The following ARB2A variants were observed in gnomAD, a reference collection of about 807,000 sequenced individuals.
ARB2A encodes cotranscriptional regulator ARB2A.
At chr5:93,657,767 G>A in the ARB2A span, among the ~76,000 whole-genome samples, 24,990 of 152,020 alleles carry the variant, frequency 0.16, 2,616 homozygotes, top group African/African-American at 0.28. Flanking sequence ...AAATTTCAGC[G>A]TGTTATATGA....
the ARB2A span, among the ~76,000 whole-genome samples, chr5:93,895,234 T>C: frequency 6.6e-6 from 1 of 152,182 alleles, no homozygotes; most frequent in African/African-American, 2.4e-5. Context: ...AGATAATTAT[T>C]TCAACCTTCA....
chr5:94,099,894 C>A, the ARB2A span, among the ~76,000 whole-genome samples: 38 of 152,072 alleles, frequency 2.5e-4, no homozygotes, highest in Admixed American at 3.3e-4. Flanking sequence ...CAAGGATGCC[C>A]TCTCTCACCA....
At chr5:93,848,373 C>T in the ARB2A span, among the ~76,000 whole-genome samples, 1 of 148,998 alleles carries the variant, frequency 6.7e-6, no homozygotes, top group Non-Finnish European at 1.5e-5. Context: ...CAGAGCGAGA[C>T]TCTGTCTAAA....
At chr5:93,757,036 G>A in the ARB2A span, among the ~76,000 whole-genome samples, 2 of 152,054 alleles carry the variant, frequency 1.3e-5, no homozygotes, top group African/African-American at 4.8e-5. Context: ...AAGGACAATC[G>A]AAAATTCAGG....
chr5:93,766,999 T>G, the ARB2A span, among the ~76,000 whole-genome samples: 5 of 122,166 alleles, frequency 4.1e-5, no homozygotes, highest in Admixed American at 5.8e-4. Context: ...TGAGAACACA[T>G]GGACACAGGA....
the ARB2A span, among the ~76,000 whole-genome samples, chr5:93,757,163 A>C: frequency 1.3e-5 from 2 of 152,128 alleles, no homozygotes; most frequent in Non-Finnish European, 1.5e-5. Context: ...AATTAACCCA[A>C]TCCAACAAAG....
chr5:93,783,134 A>G, the ARB2A span, among the ~76,000 whole-genome samples: 2 of 152,148 alleles, frequency 1.3e-5, no homozygotes, highest in Non-Finnish European at 2.9e-5. Flanking sequence ...CTCATGAGTA[A>G]GGAAGTTTTT....
At chr5:93,628,622 A>G in the ARB2A span, among the ~76,000 whole-genome samples, 17 of 152,336 alleles carry the variant, frequency 1.1e-4, no homozygotes, top group African/African-American at 4.1e-4. Context: ...ATAACTTGCT[A>G]TATCTTATAC....
chr5:93,981,497 T>C, the ARB2A span, among the ~76,000 whole-genome samples: 1 of 152,054 alleles, frequency 6.6e-6, no homozygotes, highest in South Asian at 2.1e-4. Context: ...TTGTTGGTTT[T>C]TAACTATTTT....
the ARB2A span, among the ~76,000 whole-genome samples, chr5:93,832,601 G>A: frequency 6.6e-6 from 1 of 152,134 alleles, no homozygotes; most frequent in Non-Finnish European, 1.5e-5. Context: ...ATTGCCCTTA[G>A]CCAAAAAGCA....
chr5:93,854,081 T>C, the ARB2A span, among the ~76,000 whole-genome samples: 1 of 152,206 alleles, frequency 6.6e-6, no homozygotes, highest in Non-Finnish European at 1.5e-5. Flanking sequence ...TGAATCCATC[T>C]GGTCCTGGAC....
chr5:93,788,208 G>A, the ARB2A span, among the ~76,000 whole-genome samples: 14 of 152,106 alleles, frequency 9.2e-5, no homozygotes, highest in African/African-American at 3.4e-4. Context: ...AAATTGAGGG[G>A]GGGAAATCCT....
the ARB2A span, among the ~76,000 whole-genome samples, chr5:93,935,325 T>G: frequency 6.6e-6 from 1 of 152,158 alleles, no homozygotes; most frequent in East Asian, 1.9e-4. Context: ...CAGGAAAAGC[T>G]TCCTTGATGA....
At chr5:93,995,335 C>T in the ARB2A span, among the ~76,000 whole-genome samples, 1 of 152,194 alleles carries the variant, frequency 6.6e-6, no homozygotes, top group African/African-American at 2.4e-5. Context: ...GCATATTTTT[C>T]ATCATGTTCA....
the ARB2A span, among the ~76,000 whole-genome samples, chr5:93,684,114 C>G: frequency 6.6e-6 from 1 of 152,142 alleles, no homozygotes; most frequent in Non-Finnish European, 1.5e-5. Context: ...AACTCAGGGC[C>G]TAGGACTGTG....
the ARB2A span, among the ~76,000 whole-genome samples, chr5:94,014,908 A>G: frequency 1.3e-5 from 2 of 150,252 alleles, no homozygotes; most frequent in African/African-American, 4.9e-5. Flanking sequence ...AAATTAACTC[A>G]AAAGACCAAA....
chr5:93,840,451 A>G, the ARB2A span, among the ~76,000 whole-genome samples: 1 of 152,142 alleles, frequency 6.6e-6, no homozygotes, highest in African/African-American at 2.4e-5. Flanking sequence ...GATTCCCAAC[A>G]CCACAATGTC....
chr5:93,700,275 T>C, the ARB2A span, among the ~76,000 whole-genome samples: 1 of 152,180 alleles, frequency 6.6e-6, no homozygotes, highest in Non-Finnish European at 1.5e-5. Context: ...ATGTACCTAA[T>C]GTTAGATAAC....
At chr5:94,074,640 A>G in the ARB2A span, 3 of 1,607,124 alleles carry the variant, frequency 1.9e-6, no homozygotes, top group Non-Finnish European at 2.5e-6. Context: ...CAAATTAAGT[A>G]TGTACCTTTC....
Sources: allele counts gnomAD v4.1 joint callset (sites outside exome capture counted in the v4.1 genomes callset), GRCh38; gene constraint gnomAD v4.1.1; transcripts MANE v1.5; gene names NCBI Gene and HGNC (gene_info 2026-07-23, HGNC 2026-07-21).